ASTE1: variants seen among roughly 807,000 people sequenced by gnomAD.
ASTE1 encodes asteroid structure-specific endonuclease 1.
In ASTE1, 49 loss-of-function variants were observed where a neutral mutation model predicts 45.8. The observed-to-expected ratio is 1.07, with a 90% CI of 0.85 to 1.36. The LOEUF (loss-of-function observed/expected upper bound fraction) is 1.36. Among genes scored for constraint, ASTE1 ranks in the 40% most tolerant of loss-of-function variants. ASTE1 has a pLI of 0.00. For missense variants in ASTE1, 709 were observed against 804.0 expected (o/e 0.88, Z 1.43); for synonymous variants, 296 against 303.9 (o/e 0.97, Z 0.27).
At chr3:131,018,877 G>C (rs2063705826) in intron 3 of ASTE1, among the ~76,000 whole-genome samples, 161 bp from the exon 4 acceptor site, 1 of 152,164 alleles carries the variant, frequency 6.6e-6, no homozygotes, top group African/African-American at 2.4e-5. Flanking sequence ...ACAGCATTTA[G>C]AACATTAATA....
rs188248898 is a variant in ASTE1, at chr3:131,022,347, T to C, written c.1302+1658A>G. On this transcript the variant is annotated intron_variant, in intron 3 of 5. Coordinates refer to ENST00000264992, the MANE Select transcript of ASTE1 (RefSeq NM_014065.4). ...TTTAAAGCATACAATTCAGTGGGTT[T>C]AGTGTATATATATTTTTAGAGACAG... Among the ~76,000 whole-genome samples the C allele has an allele frequency of 5.3e-5, 8 of 152,284 alleles. No individual in the cohort carries two copies. The East Asian group carries it at 1.5e-3, about 29-fold the overall frequency.
intron 3 of ASTE1, among the ~76,000 whole-genome samples, chr3:131,021,044 G>A (rs563575600): frequency 1.2e-4 from 18 of 152,288 alleles, no homozygotes; most frequent in African/African-American, 3.4e-4. Flanking sequence ...ACATTTTCAT[G>A]ACCGTGGAGT....
chr3:131,025,241 C>T lies in ASTE1; in HGVS notation c.66G>A (p.Lys22=). ...DHSNEFFTDL[K]LRDTKIVIDG... ...CAATGACAATTTTTGTGTCCCGCAA[C>T]TTCAAATCAGTGAAGAACTCATTAC... The change falls in exon 3 of 6, where the codon AAG becomes AAA. Residue 22 remains lysine, a synonymous_variant. Coordinates refer to ENST00000264992, the MANE Select transcript of ASTE1 (RefSeq NM_014065.4). 1.9e-6 allele frequency: 3 copies of T among 1,614,178 alleles called. No homozygotes were observed. The highest frequency in any genetic ancestry group is 2.5e-6 in the Non-Finnish European group (3 of 1,180,034).
At position 131,025,336 on chromosome 3, in the gene ASTE1, T is replaced by G; in HGVS notation, c.-25-5A>C. The G allele has an allele frequency of 6.3e-7, 1 of 1,581,588 alleles. No individual in the cohort carries two copies. The highest frequency in any genetic ancestry group is 2.2e-5 in the East Asian group (1 of 44,528). ...ACAGTCTAAAGAATTAATCGCCTGT[T>G]TAAAACAACAGAAAACATTTTCAAT... On this transcript the variant is annotated splice_region_variant and splice_polypyrimidine_tract_variant and intron_variant, in intron 2 of 5. Coordinates refer to ENST00000264992, the MANE Select transcript of ASTE1 (RefSeq NM_014065.4).
intron 5 of ASTE1, chr3:131,015,870 T>G: frequency 1.9e-6 from 1 of 517,532 alleles, no homozygotes; most frequent in South Asian, 1.8e-5. Flanking sequence ...TTGCCTCCCC[T>G]CTCCCACATA....
chr3:131,024,739 G>A lies in ASTE1; in HGVS notation c.568C>T (p.Gln190Ter), dbSNP rs549290479. 4 of 1,611,728 alleles carry A rather than the reference G, an allele frequency of 2.5e-6. No homozygotes were observed. The highest frequency in any genetic ancestry group is 2.2e-5 in the South Asian group (2 of 90,646). Reference protein sequence around the residue: ...WRNMNTIKGTQNYIPAKCFSL... With the variant: ...WRNMNTIKGT ...AAGCATTTGGCAGGGATATAGTTTT[G>A]TGTGCCCTTAATAGTGTTCATATTT... The change falls in exon 3 of 6, where the codon CAA becomes TAA. Residue 190 changes from glutamine to a stop codon, truncating the protein, a stop_gained. Transcript: ENST00000264992. LOFTEE classifies it high-confidence loss of function.
At chr3:131,018,464 G>A (rs1391166080) in intron 4 of ASTE1, 42 bp downstream of exon 4, 1 of 1,571,616 alleles carries the variant, frequency 6.4e-7, no homozygotes, top group Non-Finnish European at 8.7e-7. Flanking sequence ...CAGTTTGCAA[G>A]CAACATGCCA....
chr3:131,017,181 G>A (rs1019298300), intron 4 of ASTE1: 3 of 542,270 alleles, frequency 5.5e-6, no homozygotes, highest in African/African-American at 4.1e-5. Flanking sequence ...CTAAACCTGT[G>A]TTCATAAAGC....
chr3:131,022,423 C>T (rs1052787171), intron 3 of ASTE1, among the ~76,000 whole-genome samples: 20 of 152,186 alleles, frequency 1.3e-4, no homozygotes, highest in Admixed American at 9.8e-4. Context: ...GCTTGACCTC[C>T]TGGGCTCGAG....
At position 131,016,312 on chromosome 3, in the gene ASTE1, G is replaced by A; in HGVS notation, c.1541C>T (p.Ala514Val). The change falls in exon 5 of 6, where the codon GCT (alanine) becomes GTT (valine). Residue 514 changes from alanine to valine, a missense_variant. Coordinates refer to ENST00000264992, the MANE Select transcript of ASTE1 (RefSeq NM_014065.4). ...PGKEELQEDGAKMLYAEFQRV... is the reference protein window; with the variant it reads ...PGKEELQEDGVKMLYAEFQRV... ...TTGGAACTCTGCATACAACATCTTA[G>A]CACCATCTTCCTGCAGCTCTTCCTT... is the stretch of plus-strand genomic sequence containing the variant. 1 of 1,613,966 alleles carries A rather than the reference G, an allele frequency of 6.2e-7. No individual in the cohort carries two copies. Among genetic ancestry groups the A allele is most frequent in the African/African-American group, 1.3e-5 (1 of 74,976 alleles).
At chr3:131,018,752 T>C (rs531359525) in intron 3 of ASTE1, 36 bp from the exon 4 acceptor site, 2 of 1,595,384 alleles carry the variant, frequency 1.3e-6, no homozygotes, top group East Asian at 2.2e-5. Flanking sequence ...CAAGTTACTT[T>C]GGGAAATGTC....
intron 3 of ASTE1, among the ~76,000 whole-genome samples, chr3:131,021,922 T>C (rs1475493539): frequency 6.6e-6 from 1 of 152,208 alleles, no homozygotes; most frequent in Non-Finnish European, 1.5e-5. Flanking sequence ...ACATTAATAA[T>C]GTAGCTAGTT....
At chr3:131,023,616 C>A (rs1422364505) in intron 3 of ASTE1, among the ~76,000 whole-genome samples, 2 of 152,036 alleles carry the variant, frequency 1.3e-5, no homozygotes, top group African/African-American at 2.4e-5. Flanking sequence ...GATGTTGTGC[C>A]TATGATTAGT....
At chr3:131,014,485 G>A in intron 5 of ASTE1, 98 bp from the exon 6 acceptor site, 17 of 1,139,380 alleles carry the variant, frequency 1.5e-5, no homozygotes, top group Admixed American at 2.7e-5. Flanking sequence ...TCTAAACAAT[G>A]AGAGCTCTTA....
chr3:131,024,895 AGCACTGGACAAAACACACCC>A lies in ASTE1; in HGVS notation c.392_411del (p.Arg131LeufsTer13). 6.2e-7 allele frequency: 1 copy of A among 1,614,186 alleles called. No homozygotes were observed. The highest frequency in any genetic ancestry group is 8.5e-7 in the Non-Finnish European group (1 of 1,180,024). ...ATAATGTCCCGATCTGCTTCTGAAA[AGCACTGGACAAAACACACCC>A]GCAGCTTGATCAAAACCTGTATGAA... On this transcript the variant is annotated frameshift_variant, in exon 3 of 6. Coordinates refer to ENST00000264992, the MANE Select transcript of ASTE1 (RefSeq NM_014065.4). LOFTEE classifies it high-confidence loss of function.
At chr3:131,018,451 A>G in intron 4 of ASTE1, 55 bp downstream of exon 4, 3 of 1,529,250 alleles carry the variant, frequency 2.0e-6, no homozygotes, top group South Asian at 1.1e-5. Flanking sequence ...AAACTCGAGT[A>G]AACAGTTTGC....
intron 2 of ASTE1, 45 bp from the exon 3 acceptor site, chr3:131,025,376 G>C: frequency 1.3e-6 from 2 of 1,538,430 alleles, no homozygotes; most frequent in Non-Finnish European, 1.7e-6. Flanking sequence ...GCTAGTTATG[G>C]GGCACCAAGT....
intron 4 of ASTE1, chr3:131,016,709 G>A (rs1056671351): frequency 2.2e-5 from 7 of 313,298 alleles, no homozygotes; most frequent in East Asian, 8.3e-5. Context: ...CTCTTTCACC[G>A]AAACTCCCAA....
At chr3:131,016,653 C>G in intron 4 of ASTE1, 1 of 368,684 alleles carries the variant, frequency 2.7e-6, no homozygotes, top group Non-Finnish European at 5.1e-6. Context: ...AAATCTGTGT[C>G]TATGAAAAAT....
Sources: gnomAD v4.1 joint callset for allele counts (sites outside exome capture counted in the v4.1 genomes callset) on GRCh38, gnomAD v4.1.1 for gene constraint, MANE v1.5 for transcripts, NCBI Gene and HGNC (gene_info 2026-07-23, HGNC 2026-07-21) for gene names.